METTL21A: variants seen among roughly 807,000 people sequenced by gnomAD.
METTL21A encodes protein N-lysine methyltransferase METTL21A.
In METTL21A, 22 loss-of-function variants were observed where a neutral mutation model predicts 20.9. The ratio of observed to expected loss-of-function variants is 1.05; its 90% CI spans 0.75 to 1.50. The LOEUF (loss-of-function observed/expected upper bound fraction) is 1.50. Ranked by LOEUF, METTL21A falls within the 40% of genes most tolerant of loss-of-function variation. METTL21A has a pLI of 0.00. For missense variants in METTL21A, 271 were observed against 266.8 expected, an observed-to-expected ratio of 1.02 and a Z score of -0.11; for synonymous variants, 93 against 102.0, an observed-to-expected ratio of 0.91 and a Z score of 0.53.
intron 3 of METTL21A, chr2:207,596,786 A>G: frequency 1.9e-6 from 2 of 1,077,038 alleles, no homozygotes; most frequent in South Asian, 3.1e-5. Flanking sequence ...TATCTTTTCC[A>G]ATGCTTAATA....
chr2:207,587,248 C>A (rs2084025505), intron 3 of METTL21A, among the ~76,000 whole-genome samples: 1 of 151,984 alleles, frequency 6.6e-6, no homozygotes, highest in South Asian at 2.1e-4. Flanking sequence ...AAAAATTCAG[C>A]CAGGCATGGT....
At chr2:207,625,468 T>G (rs1207857025), upstream of METTL21A, 1 of 151,742 alleles carries the variant, frequency 6.6e-6, no homozygotes, top group Non-Finnish European at 1.5e-5. Flanking sequence ...CGTGGCGCGG[T>G]GGAGGAGTGA....
upstream of METTL21A, chr2:207,625,646 G>C (rs2091026798): frequency 6.6e-6 from 1 of 152,302 alleles, no homozygotes; most frequent in African/African-American, 2.4e-5. Context: ...GGTGCCCTGG[G>C]CTCTCCTAGC....
chr2:207,603,431 C>A (rs2087462712), intron 3 of METTL21A: 2 of 224,678 alleles, frequency 8.9e-6, no homozygotes, highest in Non-Finnish European at 1.8e-5. Context: ...TTTAAAAACT[C>A]TGTAAGTCTC....
intron 3 of METTL21A, among the ~76,000 whole-genome samples, chr2:207,620,012 T>C (rs2090291360): frequency 6.6e-6 from 1 of 152,236 alleles, no homozygotes; most frequent in South Asian, 2.1e-4. Context: ...GCCTATGCAC[T>C]TTGCTACACT....
Position 207,593,304 on chromosome 2 carries a change from T to C in METTL21A, c.260-11144A>G, listed in dbSNP as rs188080599. On this transcript the variant is annotated intron_variant, in intron 3 of 3. Transcript: ENST00000425132. ...ACTTTGGGAGGCTGAGGCAGGAGGA[T>C]AGCTTGAGCCCAGGAATTCAAGACC... Among the ~76,000 whole-genome samples, 3 of 152,322 alleles carry C rather than the reference T, an allele frequency of 2.0e-5. No homozygotes were observed. The East Asian group carries it at 5.8e-4, about 29-fold the overall frequency.
At chr2:207,619,109 G>A (rs574809114) in intron 3 of METTL21A, among the ~76,000 whole-genome samples, 2 of 151,750 alleles carry the variant, frequency 1.3e-5, no homozygotes, top group Non-Finnish European at 2.9e-5. Flanking sequence ...AACTACTCAG[G>A]AATTAGCAGC....
chr2:207,621,561 T>TG (rs2090478585), intron 3 of METTL21A, among the ~76,000 whole-genome samples: 1 of 152,134 alleles, frequency 6.6e-6, no homozygotes, highest in Non-Finnish European at 1.5e-5. Context: ...CAATCTCCCA[T>TG]GGGAAGTATA....
At chr2:207,612,451 C>T (rs1473400509), downstream of METTL21A, 3 of 46,324 alleles carry the variant, frequency 6.5e-5, no homozygotes, top group Non-Finnish European at 1.2e-4. Flanking sequence ...TACTTAATTC[C>T]TTTATTTATA....
At chr2:207,620,136 T>C (rs993710512) in intron 3 of METTL21A, among the ~76,000 whole-genome samples, 1 of 152,078 alleles carries the variant, frequency 6.6e-6, no homozygotes, top group Non-Finnish European at 1.5e-5. Flanking sequence ...GAGAGAGAAG[T>C]TGGTGTTACA....
chr2:207,595,092 T>A (rs2085871851), intron 3 of METTL21A, among the ~76,000 whole-genome samples: 1 of 149,472 alleles, frequency 6.7e-6, no homozygotes, highest in Admixed American at 6.8e-5. Context: ...GCCTCCCGGG[T>A]TTAAGTGATT....
At chr2:207,605,236 C>T (rs1008798034), downstream of METTL21A, among the ~76,000 whole-genome samples, 4 of 152,108 alleles carry the variant, frequency 2.6e-5, no homozygotes, top group Non-Finnish European at 5.9e-5. Context: ...ACTTATTTTG[C>T]CATTTTAAAA....
chr2:207,602,831 G>A (rs747815445), intron 3 of METTL21A: 3 of 218,412 alleles, frequency 1.4e-5, no homozygotes, highest in African/African-American at 2.2e-5. Flanking sequence ...GTGCTAGTTA[G>A]CAGTTTTCCA....
At chr2:207,591,801 G>A (rs527803527) in intron 3 of METTL21A, among the ~76,000 whole-genome samples, 3 of 152,234 alleles carry the variant, frequency 2.0e-5, no homozygotes, top group African/African-American at 7.2e-5. Context: ...TATATTTGAA[G>A]TGGGATTCTT....
chr2:207,623,260 G>A (rs1424116525), intron 2 of METTL21A, among the ~76,000 whole-genome samples: 4 of 152,134 alleles, frequency 2.6e-5, no homozygotes, highest in African/African-American at 9.7e-5. Context: ...TGGATTCCTA[G>A]AAGTGGTATT....
At chr2:207,617,537 G>A (rs1048072923) in intron 3 of METTL21A, among the ~76,000 whole-genome samples, 15 of 152,230 alleles carry the variant, frequency 9.9e-5, no homozygotes, top group African/African-American at 3.6e-4. Context: ...CAATCTTGCT[G>A]AGAAAAAGTG....
At chr2:207,585,316 A>G (rs2083627323) in intron 3 of METTL21A, among the ~76,000 whole-genome samples, 1 of 152,224 alleles carries the variant, frequency 6.6e-6, no homozygotes, top group Non-Finnish European at 1.5e-5. Flanking sequence ...TGAGAGAATC[A>G]TAGATACCAC....
chr2:207,615,736 C>CTT (rs1030245136), intron 3 of METTL21A: 4 of 151,056 alleles, frequency 2.6e-5, no homozygotes, highest in Admixed American at 6.6e-5. Context: ...AAAAGAACAA[C>CTT]TTTAACTTAC....
intron 3 of METTL21A, among the ~76,000 whole-genome samples, chr2:207,595,760 G>A (rs554441875): frequency 1.4e-4 from 21 of 152,026 alleles, no homozygotes; most frequent in Non-Finnish European, 2.8e-4. Flanking sequence ...TTAGAGACAG[G>A]GTCTTAATAT....
Sources: allele counts gnomAD v4.1 joint callset (sites outside exome capture counted in the v4.1 genomes callset), GRCh38; gene constraint gnomAD v4.1.1; transcripts MANE v1.5; gene names NCBI Gene and HGNC (gene_info 2026-07-23, HGNC 2026-07-21).